The following ARHGAP26 variants were observed in gnomAD, a reference collection of about 807,000 sequenced individuals.
The protein encoded by ARHGAP26 is rho GTPase-activating protein 26.
ARHGAP26 carries 38 observed loss-of-function variants against 104.8 expected under a neutral mutation model. That is an observed-to-expected ratio of 0.36 (90% CI 0.28 to 0.48). The LOEUF is 0.48. Among genes scored for constraint, ARHGAP26 ranks in the 20% least tolerant of loss-of-function variants. The pLI, the probability that ARHGAP26 is intolerant of heterozygous loss-of-function variation, is 0.99. For synonymous variants in ARHGAP26, 341 were observed against 340.0 expected (o/e 1.00, Z -0.03); for missense variants, 704 against 947.9 (o/e 0.74, Z 3.38).
At chr5:142,953,899 A>G (rs774668589) in intron 11 of ARHGAP26, among the ~76,000 whole-genome samples, 4 of 152,156 alleles carry the variant, frequency 2.6e-5, no homozygotes, top group Non-Finnish European at 4.4e-5. Context: ...CTTGGTTGAC[A>G]TCGTCCATTT....
At chr5:142,872,821 G>A (rs1755511786) in intron 1 of ARHGAP26, among the ~76,000 whole-genome samples, 1 of 152,220 alleles carries the variant, frequency 6.6e-6, no homozygotes, top group African/African-American at 2.4e-5. Context: ...TGCTCATGAG[G>A]AGAGTGGAGA....
At chr5:142,886,721 TAAA>T (rs67682062) in intron 5 of ARHGAP26, among the ~76,000 whole-genome samples, 1 of 144,806 alleles carries the variant, frequency 6.9e-6, no homozygotes, top group Admixed American at 6.9e-5. Context: ...ACCTAAAAAA[TAAA>T]AAAAAAAAAT....
At chr5:143,042,222 G>C (rs968675005) in intron 14 of ARHGAP26, among the ~76,000 whole-genome samples, 1 of 152,078 alleles carries the variant, frequency 6.6e-6, no homozygotes, top group African/African-American at 2.4e-5. Flanking sequence ...GACTCCCTCC[G>C]TTCTCTTTTG....
In ARHGAP26 at chr5:142,818,939, G is replaced by T. The variant is rs189018628; in HGVS notation, c.154+48024G>T. Among the ~76,000 whole-genome samples the T allele has an allele frequency of 4.6e-3, 700 of 152,220 alleles. 3 individuals are homozygous for T. Among genetic ancestry groups the T allele is most frequent in the Non-Finnish European group, 6.3e-3 (426 of 68,016 alleles). On this transcript the variant is annotated intron_variant, in intron 1 of 22. Coordinates refer to ENST00000645722, the MANE Select transcript of ARHGAP26 (RefSeq NM_001135608.3). ...CTCTTTTGGGGTATATCTGGGAAGG[G>T]TGCTCACCCAGCTTCTAGCCTTCCT... is the stretch of plus-strand genomic sequence containing the variant.
chr5:142,947,095 TAAAAAAAAAAAAA>T (rs1162871899), intron 11 of ARHGAP26: 1 of 70,684 alleles, frequency 1.4e-5, no homozygotes, highest in Non-Finnish European at 2.7e-5. Flanking sequence ...TTTTTAAAAG[TAAAAAAAAAAAAA>T]AAAAAAAAAA....
chr5:142,947,962 G>C (rs1466651912), intron 11 of ARHGAP26, among the ~76,000 whole-genome samples: 1 of 152,152 alleles, frequency 6.6e-6, no homozygotes, highest in Non-Finnish European at 1.5e-5. Context: ...TGAGGCTATA[G>C]TGTGCTGTGA....
intron 1 of ARHGAP26, among the ~76,000 whole-genome samples, chr5:142,843,832 A>G (rs1771319128): frequency 6.6e-6 from 1 of 152,122 alleles, no homozygotes; most frequent in Admixed American, 6.5e-5. Context: ...ACACTGTGAT[A>G]TGGTGATGAA....
chr5:143,155,391 T>C (rs1800356853), intron 20 of ARHGAP26, among the ~76,000 whole-genome samples: 1 of 152,248 alleles, frequency 6.6e-6, no homozygotes, highest in African/African-American at 2.4e-5. Flanking sequence ...CACTTTTCTC[T>C]TTCCCTAAGC....
chr5:142,822,445 C>T (rs1201244687), intron 1 of ARHGAP26, among the ~76,000 whole-genome samples: 1 of 152,116 alleles, frequency 6.6e-6, no homozygotes, highest in Non-Finnish European at 1.5e-5. Context: ...CATTAACTCT[C>T]TGTGAGTGTG....
intron 11 of ARHGAP26, among the ~76,000 whole-genome samples, chr5:142,977,988 A>G (rs1773370301): frequency 6.6e-6 from 1 of 152,258 alleles, no homozygotes; most frequent in African/African-American, 2.4e-5. Context: ...TTGCAAAGCC[A>G]TGGGAAAAGG....
chr5:143,067,556 A>T (rs968289916), intron 17 of ARHGAP26, among the ~76,000 whole-genome samples: 1 of 152,280 alleles, frequency 6.6e-6, no homozygotes, highest in African/African-American at 2.4e-5. Context: ...GCTTCCACAC[A>T]TACACAGGAA....
At chr5:143,119,714 A>G (rs1449357075) in intron 17 of ARHGAP26, among the ~76,000 whole-genome samples, 2 of 152,198 alleles carry the variant, frequency 1.3e-5, no homozygotes, top group African/African-American at 4.8e-5. Context: ...GCTGTGCCAC[A>G]GTTAAAGTTT....
intron 7 of ARHGAP26, among the ~76,000 whole-genome samples, chr5:142,902,443 G>T (rs1007157293): frequency 1.3e-5 from 2 of 152,298 alleles, no homozygotes; most frequent in South Asian, 4.2e-4. Flanking sequence ...ACACATGCTG[G>T]CCTCCAGCTC....
intron 20 of ARHGAP26, chr5:143,168,475 T>TTTTTTTTTTTTTTTC (rs1314878264): frequency 7.2e-6 from 1 of 138,934 alleles, no homozygotes; most frequent in Non-Finnish European, 1.6e-5. Flanking sequence ...TTTTTTTTTT[T>TTTTTTTTTTTTTTTC]TGCTCAAATT....
intron 20 of ARHGAP26, among the ~76,000 whole-genome samples, chr5:143,175,983 G>A (rs759924691): frequency 6.6e-6 from 1 of 152,038 alleles, no homozygotes; most frequent in Non-Finnish European, 1.5e-5. Flanking sequence ...GCGTGGTGGT[G>A]TGCCCCTGTA....
chr5:143,200,501 T>TA (rs1397130697), intron 20 of ARHGAP26, among the ~76,000 whole-genome samples: 1 of 152,096 alleles, frequency 6.6e-6, no homozygotes, highest in African/African-American at 2.4e-5. Flanking sequence ...GTAGCCATTT[T>TA]AAAAATATGT....
chr5:143,121,242 A>G, intron 18 of ARHGAP26, 95 bp downstream of exon 18: 1 of 1,307,656 alleles, frequency 7.6e-7, no homozygotes, highest in African/African-American at 1.5e-5. Flanking sequence ...TGCATTGCTA[A>G]TCACTCTTAC....
At chr5:143,177,630 A>G (rs1803675660) in intron 20 of ARHGAP26, among the ~76,000 whole-genome samples, 1 of 152,218 alleles carries the variant, frequency 6.6e-6, no homozygotes, top group Non-Finnish European at 1.5e-5. Flanking sequence ...AGGAATAACA[A>G]TAATACTACA....
Position 142,885,464 on chromosome 5 carries a change from C to G in ARHGAP26, c.486+65C>G, listed in dbSNP as rs879367463. The G allele has an allele frequency of 2.1e-5, 30 of 1,418,098 alleles. No individual in the cohort carries two copies. The Admixed American group carries it at 4.1e-4, about 20-fold the overall frequency. The allele number at this position is 1,418,098 out of a possible 1,614,324, so 87.8% of individuals were successfully genotyped here. On this transcript the variant is annotated intron_variant, in intron 5 of 22. Coordinates refer to ENST00000645722, the MANE Select transcript of ARHGAP26 (RefSeq NM_001135608.3). ...TTGTACATGATGCTGTGGATATGTGCTGGTTGCTCTTTGCTAGAAAATCTT... is the reference window on the plus strand; with the variant it reads ...TTGTACATGATGCTGTGGATATGTGGTGGTTGCTCTTTGCTAGAAAATCTT...
Sources: allele counts gnomAD v4.1 joint callset (sites outside exome capture counted in the v4.1 genomes callset), GRCh38; gene constraint gnomAD v4.1.1; transcripts MANE v1.5; gene names NCBI Gene and HGNC (gene_info 2026-07-23, HGNC 2026-07-21).